RTN3: variants seen among roughly 807,000 people sequenced by gnomAD.
The protein encoded by RTN3 is reticulon-3.
In RTN3, 49 loss-of-function variants were observed where a neutral mutation model predicts 77.8. That is an observed-to-expected ratio of 0.63 (90% CI 0.50 to 0.80). The LOEUF is 0.80. RTN3 is among the 30% of genes least tolerant of loss of function. The pLI is 0.00. For synonymous variants in RTN3, 464 were observed against 446.9 expected (o/e 1.04, Z -0.48); for missense variants, 1,236 against 1,211.9 (o/e 1.02, Z -0.29).
At chr11:63,715,922 A>G (rs1183279069) in intron 2 of RTN3, among the ~76,000 whole-genome samples, 1 of 152,202 alleles carries the variant, frequency 6.6e-6, no homozygotes, top group Non-Finnish European at 1.5e-5. Context: ...TTAACCTACA[A>G]TACTGGGCTT....
At chr11:63,737,761 T>G (rs2013225413) in intron 3 of RTN3, among the ~76,000 whole-genome samples, 3 of 152,232 alleles carry the variant, frequency 2.0e-5, no homozygotes, top group African/African-American at 7.2e-5. Flanking sequence ...GGATGGTAGG[T>G]TATTTTAATG....
rs1196352968 is a variant in RTN3, at chr11:63,720,954, G to T, written c.2452G>T (p.Val818Leu). The stretch of plus-strand genomic sequence containing the variant: ...CATCACTATCAGAGAAACTACTAGG[G>T]TAGATGCTGTTTCCAGCCTTAGCAA... ...KPITIRETTR[V>L]DAVSSLSKTE... is the part of the protein sequence containing the mutation. Residue 818 changes from valine (V) to leucine (L), a missense_variant, in exon 3 of 9, where the codon GTA (valine) becomes TTA (leucine). By Grantham distance (32) the Val-to-Leu change is conservative. Coordinates refer to ENST00000377819, the MANE Select transcript of RTN3 (RefSeq NM_001265589.2). 5.6e-6 allele frequency: 9 copies of T among 1,613,992 alleles called. No homozygotes were observed. In the South Asian group the frequency reaches 9.9e-5, roughly 18 times the overall value.
chr11:63,744,240 C>A (rs1228892075), intron 3 of RTN3, among the ~76,000 whole-genome samples: 44 of 63,622 alleles, frequency 6.9e-4, no homozygotes, highest in Admixed American at 1.4e-3. Context: ...GACTCTGTCT[C>A]AAAAAAAAAA....
rs1555077873 is a variant in RTN3, at chr11:63,734,777, A to AC, written c.2530+13746dup. The stretch of plus-strand genomic sequence containing the variant: ...CACACACACACACACACACACACAC[A>AC]CACACCATACTGGAGGTCCTAGCCA... On this transcript the variant is annotated intron_variant, in intron 3 of 8. Transcript: ENST00000377819. Among the ~76,000 whole-genome samples the AC allele has an allele frequency of 3.9e-3, 461 of 118,908 alleles. 4 individuals carry two copies. Among genetic ancestry groups the AC allele is most frequent in the Non-Finnish European group, 6.7e-3 (354 of 53,152 alleles). The allele number at this position is 118,908 out of a possible 152,430, so 78.0% of individuals were successfully genotyped here.
At chr11:63,735,028 T>C (rs988635011) in intron 3 of RTN3, among the ~76,000 whole-genome samples, 7 of 147,946 alleles carry the variant, frequency 4.7e-5, no homozygotes. Context: ...AATTTGACAA[T>C]AAAAAAAAAA....
intron 2 of RTN3, among the ~76,000 whole-genome samples, chr11:63,706,268 C>A (rs1237022877): frequency 6.6e-6 from 1 of 152,158 alleles, no homozygotes; most frequent in South Asian, 2.1e-4. Context: ...TAGTTCACTG[C>A]AGCCTCAATC....
intron 3 of RTN3, among the ~76,000 whole-genome samples, chr11:63,732,789 C>G (rs1464246804): frequency 2.6e-5 from 4 of 151,908 alleles, no homozygotes. Flanking sequence ...AGAATACTTC[C>G]CAATTTATAA....
At chr11:63,736,114 C>T (rs142343627) in intron 3 of RTN3, among the ~76,000 whole-genome samples, 97 of 152,298 alleles carry the variant, frequency 6.4e-4, no homozygotes, top group African/African-American at 2.2e-3. Context: ...TCAGGGACCT[C>T]TTTCTTTCCA....
intron 3 of RTN3, among the ~76,000 whole-genome samples, chr11:63,722,413 A>G (rs1002005244): frequency 1.3e-5 from 2 of 152,188 alleles, no homozygotes; most frequent in Non-Finnish European, 2.9e-5. Flanking sequence ...AAATAGATAA[A>G]TTGTACTTAA....
chr11:63,753,245 G>T, intron 6 of RTN3, 107 bp downstream of exon 6: 1 of 1,037,790 alleles, frequency 9.6e-7, no homozygotes, highest in South Asian at 1.5e-5. Flanking sequence ...GCCCAGTCTT[G>T]ACCCATAGAG....
At chr11:63,741,425 T>G (rs901069640) in intron 3 of RTN3, among the ~76,000 whole-genome samples, 2 of 147,112 alleles carry the variant, frequency 1.4e-5, no homozygotes, top group Non-Finnish European at 3.1e-5. Flanking sequence ...TGTTCCCAAA[T>G]TCCTGACCTT....
chr11:63,691,105 T>C (rs1941632164), intron 1 of RTN3, among the ~76,000 whole-genome samples: 1 of 151,404 alleles, frequency 6.6e-6, no homozygotes, highest in South Asian at 2.1e-4. Flanking sequence ...AGATTTAATA[T>C]TGCTAATTCT....
rs1301131 is a variant in RTN3, at chr11:63,716,926, G to T, written c.200-1776G>T. On this transcript the variant is annotated intron_variant, in intron 2 of 8. Transcript: ENST00000377819. ...GGAGCTTGCAGTGAGCAGAGATCGC[G>T]CCACTACACTCCAGCCTGGGCGACA... is the stretch of plus-strand genomic sequence containing the variant. Among the ~76,000 whole-genome samples, 947 of 134,322 alleles carry T rather than the reference G, an allele frequency of 7.1e-3. 10 individuals are homozygous for T. The highest frequency in any genetic ancestry group is 0.025 in the African/African-American group (897 of 36,042). 88.1% of individuals were successfully genotyped at this position (134,322 alleles called of 152,430 possible). A position where few individuals can be genotyped will look rare whatever the true frequency, so the allele number is the denominator to read the frequency against.
intron 1 of RTN3, among the ~76,000 whole-genome samples, chr11:63,686,484 AAAAAAAG>A (rs1471906395): frequency 6.9e-4 from 104 of 150,940 alleles, no homozygotes; most frequent in Non-Finnish European, 1.3e-3. Context: ...AAAAAAAAAA[AAAAAAAG>A]AACAAATTCT....
chr11:63,724,484 C>CTT (rs34237318), intron 3 of RTN3, among the ~76,000 whole-genome samples: 124 of 81,768 alleles, frequency 1.5e-3, no homozygotes, highest in South Asian at 3.6e-3. Context: ...GTGCCCGGCC[C>CTT]TTTTTTTTTT....
intron 3 of RTN3, among the ~76,000 whole-genome samples, chr11:63,726,877 AAG>A (rs1384673234): frequency 4.5e-5 from 3 of 66,466 alleles, no homozygotes; most frequent in South Asian, 4.6e-4. Context: ...AAAAAAAAAA[AAG>A]AAGAAGTGAG....
chr11:63,687,442 C>G (rs1004854953), intron 1 of RTN3, among the ~76,000 whole-genome samples: 1 of 152,066 alleles, frequency 6.6e-6, no homozygotes, highest in African/African-American at 2.4e-5. Flanking sequence ...CATGGTGAAA[C>G]CCTGCCTCTA....
Position 63,681,563 on chromosome 11 carries a change from A to G in RTN3, c.-74A>G. On this transcript the variant is annotated 5_prime_UTR_variant, in exon 1 of 9. Coordinates refer to ENST00000377819, the MANE Select transcript of RTN3 (RefSeq NM_001265589.2). ...GGGACTTGAGCGAGCCAGTTGCCGG[A>G]TTATTCTATTTCCCCTCCCTCTCTC... 4 of 1,434,130 alleles carry G rather than the reference A, an allele frequency of 2.8e-6. No individual in the cohort carries two copies. The highest frequency in any genetic ancestry group is 3.7e-6 in the Non-Finnish European group (4 of 1,070,572). The allele number at this position is 1,434,130 out of a possible 1,614,324, so 88.8% of individuals were successfully genotyped here.
chr11:63,683,858 A>G (rs1031062951), intron 1 of RTN3, among the ~76,000 whole-genome samples: 1 of 151,920 alleles, frequency 6.6e-6, no homozygotes, highest in Admixed American at 6.6e-5. Context: ...GTGCTGTTCC[A>G]AGTACATGAG....
Sources: allele counts gnomAD v4.1 joint callset (sites outside exome capture counted in the v4.1 genomes callset), GRCh38; gene constraint gnomAD v4.1.1; transcripts MANE v1.5; gene names NCBI Gene and HGNC (gene_info 2026-07-23, HGNC 2026-07-21).